PDE4D: variants seen among roughly 807,000 people sequenced by gnomAD.
The protein encoded by PDE4D is phosphodiesterase 4D.
Under a neutral mutation model 87.4 loss-of-function variants are expected in PDE4D, and 24 were observed. That is an observed-to-expected ratio of 0.27 (90% CI 0.20 to 0.39). The LOEUF (loss-of-function observed/expected upper bound fraction) is 0.39. Ranked by LOEUF, PDE4D falls within the 10% of genes least tolerant of loss-of-function variation. The probability of loss-of-function intolerance (pLI) is 1.00; values close to 1 mark genes in which losing one functional copy is unlikely to be tolerated. For synonymous variants in PDE4D, 384 were observed against 383.2 expected (o/e 1.00, Z -0.02); for missense variants, 714 against 1,041.0 (o/e 0.69, Z 4.32).
chr5:59,573,407 C>T (rs541302484), intron 1 of PDE4D, among the ~76,000 whole-genome samples: 5 of 152,148 alleles, frequency 3.3e-5, no homozygotes, highest in African/African-American at 1.2e-4. Flanking sequence ...GTGGTCTTCC[C>T]ACCCCTAGCA....
intron 11 of PDE4D, among the ~76,000 whole-genome samples, chr5:58,980,771 G>A (rs1234979129): frequency 1.3e-5 from 2 of 152,022 alleles, no homozygotes; most frequent in African/African-American, 4.8e-5. Flanking sequence ...TATTAATCAT[G>A]GTTCTCCAGA....
intron 1 of PDE4D, among the ~76,000 whole-genome samples, chr5:60,435,980 G>A (rs567622018): frequency 1.2e-3 from 178 of 152,170 alleles, no homozygotes; most frequent in African/African-American, 3.9e-3. Context: ...AGCCTACCAA[G>A]GCTAGTAGGG....
chr5:59,777,604 G>A (rs1043298196), intron 1 of PDE4D, among the ~76,000 whole-genome samples: 1 of 152,146 alleles, frequency 6.6e-6, no homozygotes, highest in African/African-American at 2.4e-5. Flanking sequence ...GCTATTGCCT[G>A]TCCATAGATT....
chr5:59,560,652 G>T (rs1561207996), intron 1 of PDE4D, among the ~76,000 whole-genome samples: 1 of 152,224 alleles, frequency 6.6e-6, no homozygotes, highest in Admixed American at 6.5e-5. Flanking sequence ...TCTCAGGTCT[G>T]GGGCCTGGAG....
chr5:59,636,520 T>C lies in PDE4D; in HGVS notation c.455+256648A>G, dbSNP rs1468089425. Among the ~76,000 whole-genome samples, 7 of 152,138 alleles carry C rather than the reference T, an allele frequency of 4.6e-5. No homozygotes were observed. In the East Asian group the frequency reaches 1.3e-3, roughly 29 times the overall value. ...TTCAAACTATACTATAAGGCTACAG[T>C]AACCACAACAGCATGCTACTGGTAC... On this transcript the variant is annotated intron_variant, in intron 1 of 14. Transcript: ENST00000340635.
At chr5:59,938,152 G>T (rs765736488) in intron 3 of PDE4D, among the ~76,000 whole-genome samples, 4 of 152,092 alleles carry the variant, frequency 2.6e-5, no homozygotes, top group Non-Finnish European at 5.9e-5. Context: ...TAGCTTCTAG[G>T]GACAGATTTA....
At chr5:60,222,184 G>A (rs1049012851) in intron 1 of PDE4D, among the ~76,000 whole-genome samples, 10 of 152,020 alleles carry the variant, frequency 6.6e-5, no homozygotes, top group Admixed American at 5.2e-4. Context: ...TCCAGGGCAC[G>A]TCAGCTTCCA....
chr5:60,114,978 A>ATGGATGGATGGATGGATGGATGGC (rs145654898), intron 2 of PDE4D, among the ~76,000 whole-genome samples: 167 of 149,332 alleles, frequency 1.1e-3, no homozygotes, highest in Middle Eastern at 0.011. Context: ...GGATGGATGG[A>ATGGATGGATGGATGGATGGATGGC]TGGCTAGATA....
intron 1 of PDE4D, among the ~76,000 whole-genome samples, chr5:60,376,581 A>C (rs1172705985): frequency 6.6e-6 from 1 of 152,182 alleles, no homozygotes; most frequent in Non-Finnish European, 1.5e-5. Flanking sequence ...TAAAACACTC[A>C]GTAGCTCTTC....
intron 1 of PDE4D, among the ~76,000 whole-genome samples, chr5:59,817,882 G>A (rs922346918): frequency 6.6e-6 from 1 of 152,170 alleles, no homozygotes; most frequent in African/African-American, 2.4e-5. Flanking sequence ...CCAGAACTGT[G>A]AGAAAATAAA....
intron 1 of PDE4D, among the ~76,000 whole-genome samples, chr5:59,248,195 A>G (rs180880820): frequency 1.3e-5 from 2 of 148,984 alleles, no homozygotes; most frequent in East Asian, 4.0e-4. Context: ...AAGAAAAAAT[A>G]TAAGATTTTA....
intron 5 of PDE4D, among the ~76,000 whole-genome samples, chr5:59,099,843 CCA>C (rs1770427511): frequency 1.3e-5 from 2 of 152,172 alleles, no homozygotes; most frequent in Admixed American, 1.3e-4. Flanking sequence ...TCCTCAGACT[CCA>C]CCCAGCTGCA....
At chr5:59,072,687 A>C (rs1244818497) in intron 5 of PDE4D, among the ~76,000 whole-genome samples, 1 of 152,184 alleles carries the variant, frequency 6.6e-6, no homozygotes, top group Non-Finnish European at 1.5e-5. Context: ...TATGTTAATT[A>C]CTATAGATGT....
chr5:59,448,980 CTGTTA>C (rs1798753162), intron 1 of PDE4D, among the ~76,000 whole-genome samples: 1 of 152,146 alleles, frequency 6.6e-6, no homozygotes, highest in African/African-American at 2.4e-5. Context: ...CCAGGTGAGT[CTGTTA>C]TAATTTTCTG....
chr5:59,116,621 A>G (rs184482148), intron 5 of PDE4D, among the ~76,000 whole-genome samples: 63 of 152,308 alleles, frequency 4.1e-4, no homozygotes, highest in African/African-American at 1.4e-3. Flanking sequence ...AAGAGGGTCA[A>G]AAGGAAGATG....
intron 1 of PDE4D, among the ~76,000 whole-genome samples, chr5:59,232,275 C>T (rs1755379242): frequency 6.6e-6 from 1 of 152,030 alleles, no homozygotes; most frequent in Non-Finnish European, 1.5e-5. Context: ...ATATATCTGA[C>T]AACGGACTAA....
chr5:59,230,066 C>A (rs536269070), intron 1 of PDE4D, among the ~76,000 whole-genome samples: 1 of 152,166 alleles, frequency 6.6e-6, no homozygotes, highest in African/African-American at 2.4e-5. Flanking sequence ...GGATTATAGG[C>A]GTGAGCCACC....
At chr5:60,336,427 G>C (rs930724721) in intron 1 of PDE4D, among the ~76,000 whole-genome samples, 29 of 152,148 alleles carry the variant, frequency 1.9e-4, no homozygotes, top group Non-Finnish European at 4.3e-4. Flanking sequence ...TTTCTTAAGG[G>C]TAGAACCCTA....
In PDE4D at chr5:59,384,094, C is replaced by T. The variant is rs1055752254; in HGVS notation, c.456-168126G>A. 2.1e-4 allele frequency among the ~76,000 whole-genome samples: 32 copies of T among 152,022 alleles called. No homozygotes were observed. The East Asian group carries it at 5.2e-3, about 25-fold the overall frequency. On this transcript the variant is annotated intron_variant, in intron 1 of 14. Coordinates refer to ENST00000340635, the MANE Select transcript of PDE4D (RefSeq NM_001104631.2). ...TAGTTTTTTTTATTTTTTGAGGAGA[C>T]GGTGTCTTGCCAAGTTACCCAGGCT...
Sources: gnomAD v4.1 joint callset for allele counts (sites outside exome capture counted in the v4.1 genomes callset) on GRCh38, gnomAD v4.1.1 for gene constraint, MANE v1.5 for transcripts, NCBI Gene and HGNC (gene_info 2026-07-23, HGNC 2026-07-21) for gene names.